The following APBA2 variants were observed in gnomAD, a reference collection of about 807,000 sequenced individuals.
The protein encoded by APBA2 is amyloid-beta A4 precursor protein-binding family A member 2.
A neutral mutation model predicts 75.0 loss-of-function variants in APBA2; 30 were observed. The observed-to-expected ratio is 0.40, with a 90% CI of 0.30 to 0.54. The LOEUF (loss-of-function observed/expected upper bound fraction) is 0.54, where lower values mean the gene tolerates loss of function less well. Ranked by LOEUF, APBA2 falls within the 20% of genes least tolerant of loss-of-function variation. The pLI, the probability that APBA2 is intolerant of heterozygous loss-of-function variation, is 0.49. For missense variants in APBA2, 801 were observed against 1,016.1 expected, an observed-to-expected ratio of 0.79 and a Z score of 2.88; for synonymous variants, 444 against 409.6, an observed-to-expected ratio of 1.08 and a Z score of -1.01.
At chr15:29,001,055 G>A (rs2038817016) in intron 3 of APBA2, among the ~76,000 whole-genome samples, 1 of 151,916 alleles carries the variant, frequency 6.6e-6, no homozygotes, top group Non-Finnish European at 1.5e-5. Context: ...ACCTTAGGTG[G>A]ACATCTGAGT....
intron 3 of APBA2, among the ~76,000 whole-genome samples, chr15:29,019,386 A>C (rs990432445): frequency 6.6e-6 from 1 of 152,222 alleles, no homozygotes; most frequent in African/African-American, 2.4e-5. Context: ...CATCTGAAGA[A>C]TTGTGCAACA....
chr15:28,975,830 A>G (rs922526431), intron 2 of APBA2, among the ~76,000 whole-genome samples: 1 of 152,194 alleles, frequency 6.6e-6, no homozygotes, highest in African/African-American at 2.4e-5. Flanking sequence ...AGAGGAAAAA[A>G]CTCAAAACAA....
At chr15:29,056,546 G>T (rs1231313698) in intron 4 of APBA2, among the ~76,000 whole-genome samples, 3 of 118,740 alleles carry the variant, frequency 2.5e-5, no homozygotes, top group East Asian at 2.6e-4. Flanking sequence ...CCTCCTTTCT[G>T]TCCTTTCCTC....
chr15:29,053,417 G>A (rs1246884117), intron 3 of APBA2, among the ~76,000 whole-genome samples: 1 of 152,126 alleles, frequency 6.6e-6, no homozygotes, highest in Non-Finnish European at 1.5e-5. Context: ...GATTTAGATT[G>A]GGAAGAGTTA....
intron 13 of APBA2, among the ~76,000 whole-genome samples, chr15:29,112,529 G>T (rs1486991335): frequency 6.6e-6 from 1 of 152,154 alleles, no homozygotes; most frequent in Non-Finnish European, 1.5e-5. Flanking sequence ...CCTCCTCCCA[G>T]GGCTCAGCAC....
intron 1 of APBA2, among the ~76,000 whole-genome samples, chr15:28,894,359 G>A (rs3893232): frequency 0.019 from 2,858 of 152,306 alleles, 92 homozygotes; most frequent in African/African-American, 0.065. Context: ...GGGCATGGAG[G>A]GGGCTGCTGG....
chr15:28,893,364 C>T (rs895433767), intron 1 of APBA2, among the ~76,000 whole-genome samples: 15 of 152,230 alleles, frequency 9.9e-5, no homozygotes, highest in Non-Finnish European at 1.9e-4. Flanking sequence ...AGACACCTGG[C>T]ACTACCTCCA....
chr15:29,101,928 A>C (rs1312491867), intron 10 of APBA2, 144 bp downstream of exon 10: 1 of 846,644 alleles, frequency 1.2e-6, no homozygotes, highest in African/African-American at 1.7e-5. Context: ...GATCTTTTGC[A>C]TACTCTTTGG....
intron 1 of APBA2, among the ~76,000 whole-genome samples, chr15:28,891,904 TA>T (rs2032154780): frequency 1.3e-5 from 2 of 152,238 alleles, no homozygotes; most frequent in Non-Finnish European, 2.9e-5. Flanking sequence ...GACATTGTCG[TA>T]AAGTTGTAGT....
At chr15:29,016,466 C>T (rs1421282297) in intron 3 of APBA2, among the ~76,000 whole-genome samples, 1 of 152,118 alleles carries the variant, frequency 6.6e-6, no homozygotes, top group Non-Finnish European at 1.5e-5. Context: ...TTTGGTGAGT[C>T]AGGGAAGGCC....
chr15:29,078,892 T>C (rs2042968341), intron 6 of APBA2, among the ~76,000 whole-genome samples: 1 of 152,182 alleles, frequency 6.6e-6, no homozygotes, highest in African/African-American at 2.4e-5. Flanking sequence ...GGTGATGACT[T>C]CTCTGCATGA....
At chr15:29,064,762 A>G (rs2042303208) in intron 4 of APBA2, among the ~76,000 whole-genome samples, 1 of 152,156 alleles carries the variant, frequency 6.6e-6, no homozygotes, top group African/African-American at 2.4e-5. Context: ...GAGGGGAGCC[A>G]GGAGAGAACT....
At chr15:28,964,941 C>A (rs2036661335) in intron 2 of APBA2, among the ~76,000 whole-genome samples, 1 of 151,878 alleles carries the variant, frequency 6.6e-6, no homozygotes, top group African/African-American at 2.4e-5. Context: ...TAACTTGACC[C>A]TTGACAGAAT....
chr15:29,104,361 G>T (rs989723419), intron 10 of APBA2, among the ~76,000 whole-genome samples: 1 of 152,212 alleles, frequency 6.6e-6, no homozygotes, highest in Non-Finnish European at 1.5e-5. Flanking sequence ...GCCGCCAAGA[G>T]CCCCGCCGCG....
At chr15:29,104,080 C>G (rs1260669239) in intron 10 of APBA2, among the ~76,000 whole-genome samples, 1 of 152,258 alleles carries the variant, frequency 6.6e-6, no homozygotes, top group Non-Finnish European at 1.5e-5. Flanking sequence ...CTGCGCGCTT[C>G]TAATCCGGCC....
At chr15:28,999,903 T>C (rs551363640) in intron 3 of APBA2, among the ~76,000 whole-genome samples, 1 of 152,266 alleles carries the variant, frequency 6.6e-6, no homozygotes, top group South Asian at 2.1e-4. Flanking sequence ...AGCAGAGAAC[T>C]GGTGCAGATT....
At chr15:28,939,971 C>T (rs1199304223) in intron 2 of APBA2, among the ~76,000 whole-genome samples, 1 of 152,216 alleles carries the variant, frequency 6.6e-6, no homozygotes, top group African/African-American at 2.4e-5. Flanking sequence ...CTGTGCGCTC[C>T]ATCTCCGTGC....
chr15:28,984,142 G>A (rs1423211654), intron 2 of APBA2, among the ~76,000 whole-genome samples: 1 of 152,164 alleles, frequency 6.6e-6, no homozygotes, highest in Non-Finnish European at 1.5e-5. Flanking sequence ...TAGTCTGGGT[G>A]TAGGGTCCTG....
intron 12 of APBA2, among the ~76,000 whole-genome samples, chr15:29,107,821 C>T (rs908277226): frequency 1.3e-5 from 2 of 152,216 alleles, no homozygotes; most frequent in African/African-American, 4.8e-5. Flanking sequence ...ACTCCCTGCC[C>T]TGCAGGAGGT....
Sources: allele counts gnomAD v4.1 joint callset (sites outside exome capture counted in the v4.1 genomes callset), GRCh38; gene constraint gnomAD v4.1.1; transcripts MANE v1.5; gene names NCBI Gene and HGNC (gene_info 2026-07-23, HGNC 2026-07-21).